Variants in STK32B observed in about 807,000 individuals in gnomAD.
STK32B encodes the protein serine/threonine kinase 32B.
In STK32B, 43 loss-of-function variants were observed where a neutral mutation model predicts 52.6. That is an observed-to-expected ratio of 0.82 (90% CI 0.64 to 1.05). STK32B has a LOEUF of 1.05. STK32B is among the 50% of genes least tolerant of loss of function. The pLI, the probability that STK32B is intolerant of heterozygous loss-of-function variation, is 0.00. For missense variants in STK32B, 621 were observed against 534.6 expected, an observed-to-expected ratio of 1.16 and a Z score of -1.59; for synonymous variants, 238 against 204.3, an observed-to-expected ratio of 1.17 and a Z score of -1.41.
chr4:5,333,342 A>C (rs901446379), intron 4 of STK32B, among the ~76,000 whole-genome samples: 1 of 151,828 alleles, frequency 6.6e-6, no homozygotes, highest in Non-Finnish European at 1.5e-5. Context: ...TTTTCTTGTA[A>C]ATTTGTTTGA....
At chr4:5,312,808 G>A (rs1730395295) in intron 3 of STK32B, among the ~76,000 whole-genome samples, 1 of 152,048 alleles carries the variant, frequency 6.6e-6, no homozygotes, top group East Asian at 1.9e-4. Flanking sequence ...ACCCAGTAAT[G>A]GGATGGCTGG....
intron 3 of STK32B, among the ~76,000 whole-genome samples, chr4:5,304,688 T>A (rs1479998779): frequency 6.6e-6 from 1 of 152,126 alleles, no homozygotes; most frequent in African/African-American, 2.4e-5. Flanking sequence ...TTTTCTTATC[T>A]GATTGTTCTG....
At chr4:5,316,133 T>TTA (rs1363593074) in intron 3 of STK32B, among the ~76,000 whole-genome samples, 16 of 100,434 alleles carry the variant, frequency 1.6e-4, no homozygotes, top group South Asian at 4.7e-4. Flanking sequence ...TATTTTCAAG[T>TTA]TATATATATA....
At chr4:5,479,315 C>T (rs1032190611) in intron 11 of STK32B, among the ~76,000 whole-genome samples, 2 of 151,936 alleles carry the variant, frequency 1.3e-5, no homozygotes, top group African/African-American at 4.8e-5. Flanking sequence ...GGCAGGGTTT[C>T]ACCATGTTGG....
At position 5,499,310 on chromosome 4, in the gene STK32B, G is replaced by A. The variant is rs1023048041; in HGVS notation, c.*227G>A. 18 of 466,448 alleles carry A rather than the reference G, an allele frequency of 3.9e-5. No individual in the cohort carries two copies. The highest frequency in any genetic ancestry group is 7.1e-6 in the Non-Finnish European group (2 of 280,556). The allele number at this position is 466,448 out of a possible 1,614,324, so 28.9% of individuals were successfully genotyped here. On this transcript the variant is annotated 3_prime_UTR_variant, in exon 12 of 12. Coordinates refer to ENST00000282908, the MANE Select transcript of STK32B (RefSeq NM_018401.3). ...CTCTGTGCCTCCGTTTTCTGCATCT[G>A]CCAAAGGGGTTAAACACTTCTGCCC...
In STK32B at chr4:5,155,089, A is replaced by C. The variant is rs1288316531; in HGVS notation, c.109-13210A>C. On this transcript the variant is annotated intron_variant, in intron 2 of 11. Transcript: ENST00000282908. Reference sequence around the variant, plus strand: ...TCTTGACCACACTGGAGTTATTTCTACCTCAGAACCTTCACACTTGCTCTT... The same window carrying C: ...TCTTGACCACACTGGAGTTATTTCTCCCTCAGAACCTTCACACTTGCTCTT... Among the ~76,000 whole-genome samples the C allele has an allele frequency of 6.6e-5, 10 of 151,630 alleles. No homozygotes were observed. In the South Asian group the frequency reaches 1.9e-3, roughly 28 times the overall value.
intron 1 of STK32B, among the ~76,000 whole-genome samples, chr4:5,065,500 C>T (rs569376280): frequency 2.6e-5 from 4 of 152,216 alleles, no homozygotes; most frequent in South Asian, 2.1e-4. Context: ...GACACCATCC[C>T]GCTGAATGCC....
chr4:5,399,291 C>G lies in STK32B; in HGVS notation c.472+1047C>G, dbSNP rs1253679882. Among the ~76,000 whole-genome samples the G allele has an allele frequency of 1.3e-5, 2 of 152,158 alleles. No homozygotes were observed. The highest frequency in any genetic ancestry group is 6.5e-5 in the Admixed American group (1 of 15,280). ...GGATGAATGAGTCACATTTTCTACG[C>G]AGCTCCCCCACCCTCCTTCCCCACC... On this transcript the variant is annotated intron_variant, in intron 5 of 11. Coordinates refer to ENST00000282908, the MANE Select transcript of STK32B (RefSeq NM_018401.3). This position sits in a 1 kb window ranked among gnomAD's most constrained non-coding sequence, Gnocchi z 5.4.
chr4:5,374,702 T>C (rs1303212100), intron 4 of STK32B, among the ~76,000 whole-genome samples: 8 of 148,226 alleles, frequency 5.4e-5, no homozygotes, highest in African/African-American at 2.0e-4. Context: ...CTTCACAGCT[T>C]AATCATCTCC....
intron 7 of STK32B, among the ~76,000 whole-genome samples, chr4:5,447,607 G>C (rs1017881447): frequency 6.6e-6 from 1 of 152,182 alleles, no homozygotes; most frequent in African/African-American, 2.4e-5. Flanking sequence ...CTGCACTCTA[G>C]CCTAGGTGAC....
chr4:5,181,675 G>A (rs925186301), intron 3 of STK32B, among the ~76,000 whole-genome samples: 1 of 152,226 alleles, frequency 6.6e-6, no homozygotes, highest in Admixed American at 6.5e-5. Flanking sequence ...AGTCGATTAA[G>A]TGTGCAATAG....
At chr4:5,115,446 G>A (rs967159967) in intron 1 of STK32B, among the ~76,000 whole-genome samples, 1 of 152,220 alleles carries the variant, frequency 6.6e-6, no homozygotes, top group African/African-American at 2.4e-5. Flanking sequence ...GGCACTTTAA[G>A]TATAACAGGG....
Position 5,460,124 on chromosome 4 carries a change from A to T in STK32B, c.805A>T (p.Ser269Cys). 6.2e-7 allele frequency: 1 copy of T among 1,614,190 alleles called. No homozygotes were observed. Among genetic ancestry groups the T allele is most frequent in the Non-Finnish European group, 8.5e-7 (1 of 1,180,038 alleles). ...LRKLLTKDPE[S>C]RVSSLHDIQS... Reference sequence around the variant, plus strand: ...GCAGCTCCTGACCAAGGATCCTGAGAGCCGCGTGTCCAGCCTTCATGACAT... The same window carrying T: ...GCAGCTCCTGACCAAGGATCCTGAGTGCCGCGTGTCCAGCCTTCATGACAT... The change falls in exon 9 of 12, where the codon AGC becomes TGC. Residue 269 changes from serine to cysteine, a missense_variant. Transcript: ENST00000282908. This position sits in a 1 kb window ranked among gnomAD's most constrained non-coding sequence, Gnocchi z 4.8.
At chr4:5,317,179 T>TATATATATATAACATATA in intron 3 of STK32B, among the ~76,000 whole-genome samples, 1 of 48,040 alleles carries the variant, frequency 2.1e-5, no homozygotes, top group Non-Finnish European at 2.8e-5. Flanking sequence ...TAACATATAA[T>TATATATATATAACATATA]ATATATATAT....
chr4:5,068,995 G>A (rs752021469), intron 1 of STK32B, among the ~76,000 whole-genome samples: 1 of 152,118 alleles, frequency 6.6e-6, no homozygotes, highest in Non-Finnish European at 1.5e-5. Context: ...GGTCACCAAT[G>A]ATATTGTTAA....
chr4:5,203,545 G>A (rs1722321811), intron 3 of STK32B, among the ~76,000 whole-genome samples: 1 of 152,102 alleles, frequency 6.6e-6, no homozygotes, highest in African/African-American at 2.4e-5. Context: ...CTGTACAGGG[G>A]TTGGGCCCTG....
chr4:5,418,395 C>T (rs566993317), intron 6 of STK32B, among the ~76,000 whole-genome samples: 2 of 152,206 alleles, frequency 1.3e-5, no homozygotes, highest in East Asian at 3.9e-4. Context: ...CCCCATTTAC[C>T]ATTGCAAATG....
At chr4:5,164,330 C>T (rs1311186549) in intron 2 of STK32B, among the ~76,000 whole-genome samples, 2 of 152,134 alleles carry the variant, frequency 1.3e-5, no homozygotes, top group Admixed American at 1.3e-4. Context: ...CTGCATCCGT[C>T]CTCACATAGC....
At chr4:5,438,275 G>C (rs1714303532) in intron 6 of STK32B, among the ~76,000 whole-genome samples, 1 of 152,246 alleles carries the variant, frequency 6.6e-6, no homozygotes, top group African/African-American at 2.4e-5. Context: ...TTCGGGCTCA[G>C]TGGTGGGATC....
Sources: gnomAD v4.1 joint callset for allele counts (sites outside exome capture counted in the v4.1 genomes callset) on GRCh38, gnomAD v4.1.1 for gene constraint, Gnocchi (gnomAD v3.1) non-coding constraint, MANE v1.5 for transcripts, NCBI Gene and HGNC (gene_info 2026-07-23, HGNC 2026-07-21) for gene names.